LPAR1: variants seen among roughly 807,000 people sequenced by gnomAD.
LPAR1 encodes the protein LPA receptor 1.
Under a neutral mutation model 23.8 loss-of-function variants are expected in LPAR1, and 5 were observed. That is an observed-to-expected ratio of 0.21 (90% CI 0.11 to 0.44). The LOEUF (loss-of-function observed/expected upper bound fraction) is 0.44. Among genes scored for constraint, LPAR1 ranks in the 20% least tolerant of loss-of-function variants. The pLI is 0.99. For missense variants in LPAR1, 311 were observed against 482.8 expected (o/e 0.64, Z 3.33); for synonymous variants, 160 against 164.7 (o/e 0.97, Z 0.22).
At chr9:110,981,192 A>T (rs756691887) in intron 2 of LPAR1, among the ~76,000 whole-genome samples, 5 of 152,112 alleles carry the variant, frequency 3.3e-5, no homozygotes, top group Non-Finnish European at 5.9e-5. Flanking sequence ...TGGTTGGTTG[A>T]GTCAGAATTC....
At chr9:110,912,182 CTTCT>C (rs745492162) in intron 5 of LPAR1, among the ~76,000 whole-genome samples, 5 of 152,198 alleles carry the variant, frequency 3.3e-5, no homozygotes, top group Non-Finnish European at 5.9e-5. Flanking sequence ...AGAAAAACAA[CTTCT>C]TTCTAAGCAC....
At chr9:110,931,711 A>T (rs2094430590) in intron 5 of LPAR1, among the ~76,000 whole-genome samples, 1 of 152,222 alleles carries the variant, frequency 6.6e-6, no homozygotes, top group African/African-American at 2.4e-5. Context: ...AGGTGTAAGG[A>T]AGGGATCCAG....
intron 5 of LPAR1, among the ~76,000 whole-genome samples, chr9:110,880,295 T>C (rs911287351): frequency 6.6e-6 from 1 of 152,118 alleles, no homozygotes; most frequent in Admixed American, 6.5e-5. Context: ...CAGGGAGGAA[T>C]GAGGCTGTTT....
intron 5 of LPAR1, among the ~76,000 whole-genome samples, chr9:110,906,901 T>TAC (rs1191805210): frequency 0.037 from 5,679 of 152,198 alleles, 173 homozygotes; most frequent in Non-Finnish European, 0.047. Flanking sequence ...GAAGGAAGTT[T>TAC]CTAAAAATTA....
chr9:110,892,145 C>T (rs2084395639), intron 5 of LPAR1, among the ~76,000 whole-genome samples: 1 of 152,154 alleles, frequency 6.6e-6, no homozygotes, highest in Non-Finnish European at 1.5e-5. Context: ...AAAGTCCATC[C>T]ACAAATCAAC....
rs1054868736 is a variant in LPAR1, at chr9:110,997,944, T to C, written c.-181-24386A>G. On this transcript the variant is annotated intron_variant, in intron 2 of 5. Coordinates refer to ENST00000683809, the MANE Select transcript of LPAR1 (RefSeq NM_001351411.2). ...TAGGTTGAAAGCTAGGTGTGTTAAC[T>C]ACTGCATTACACCAGTGGTTCTCAA... Among the ~76,000 whole-genome samples, 6 of 152,350 alleles carry C rather than the reference T, an allele frequency of 3.9e-5. No individual in the cohort carries two copies. The South Asian group carries it at 1.0e-3, about 26-fold the overall frequency.
intron 5 of LPAR1, among the ~76,000 whole-genome samples, chr9:110,912,222 C>T (rs970611309): frequency 2.6e-5 from 4 of 152,300 alleles, no homozygotes; most frequent in Admixed American, 2.0e-4. Flanking sequence ...ACCCATGTGG[C>T]CAGATCTCTT....
chr9:110,982,464 T>G (rs1038828984), intron 2 of LPAR1, among the ~76,000 whole-genome samples: 1 of 151,710 alleles, frequency 6.6e-6, no homozygotes, highest in Non-Finnish European at 1.5e-5. Flanking sequence ...CATCACACAC[T>G]GGGGCCTGTC....
intron 5 of LPAR1, among the ~76,000 whole-genome samples, chr9:110,889,492 A>G (rs575914622): frequency 1.2e-4 from 18 of 152,366 alleles, no homozygotes; most frequent in Non-Finnish European, 2.5e-4. Context: ...ACTTATGCTT[A>G]TATATGTAGA....
intron 2 of LPAR1, among the ~76,000 whole-genome samples, chr9:111,022,406 A>G (rs2097576210): frequency 6.6e-6 from 1 of 152,138 alleles, no homozygotes; most frequent in African/African-American, 2.4e-5. Flanking sequence ...TCTCCAACTT[A>G]CTTTATGGAC....
At chr9:111,013,136 T>C (rs1018702120) in intron 2 of LPAR1, among the ~76,000 whole-genome samples, 5 of 152,132 alleles carry the variant, frequency 3.3e-5, no homozygotes, top group Non-Finnish European at 7.4e-5. Flanking sequence ...TATTTCCTCA[T>C]AGAACAAGAA....
At chr9:110,968,703 C>G (rs531479242) in intron 4 of LPAR1, among the ~76,000 whole-genome samples, 6 of 152,282 alleles carry the variant, frequency 3.9e-5, no homozygotes, top group African/African-American at 7.2e-5. Flanking sequence ...TCTGTAAACT[C>G]TGGCAGGGCA....
chr9:111,029,368 G>A (rs2097757250), intron 2 of LPAR1, among the ~76,000 whole-genome samples: 1 of 151,944 alleles, frequency 6.6e-6, no homozygotes, highest in East Asian at 1.9e-4. Context: ...GTCTGGTAAT[G>A]GCATCAACAT....
At chr9:110,892,658 A>G (rs1487141575) in intron 5 of LPAR1, among the ~76,000 whole-genome samples, 1 of 148,312 alleles carries the variant, frequency 6.7e-6, no homozygotes, top group African/African-American at 2.5e-5. Context: ...AGTGAGAAAG[A>G]AAGAAAGAAA....
At chr9:110,935,091 T>G (rs2094610666) in intron 5 of LPAR1, among the ~76,000 whole-genome samples, 1 of 152,152 alleles carries the variant, frequency 6.6e-6, no homozygotes, top group African/African-American at 2.4e-5. Context: ...AAACTCTTCC[T>G]TTGAGAACCA....
At position 110,884,471 on chromosome 9, in the gene LPAR1, G is replaced by C. The variant is rs533597474; in HGVS notation, c.794-8749C>G. Among the ~76,000 whole-genome samples the C allele has an allele frequency of 3.3e-5, 5 of 152,250 alleles. No individual in the cohort carries two copies. The South Asian group carries it at 1.0e-3, about 32-fold the overall frequency. On this transcript the variant is annotated intron_variant, in intron 5 of 5. Transcript: ENST00000683809. ...CATCAGACTATTTTTACTCCACTGT[G>C]TCTATTATTACCTAACAAAATTTTT...
At chr9:111,022,369 T>A (rs971265154) in intron 2 of LPAR1, among the ~76,000 whole-genome samples, 1 of 152,180 alleles carries the variant, frequency 6.6e-6, no homozygotes, top group Admixed American at 6.5e-5. Flanking sequence ...AACTGGCAAT[T>A]GAATCATGGT....
At chr9:111,021,907 T>C (rs918064934) in intron 2 of LPAR1, among the ~76,000 whole-genome samples, 1 of 126,818 alleles carries the variant, frequency 7.9e-6, no homozygotes, top group Non-Finnish European at 1.5e-5. Context: ...GAGGTTGCAG[T>C]GAGCAGAGAT....
At position 110,880,911 on chromosome 9, in the gene LPAR1, C is replaced by T. The variant is rs544381867; in HGVS notation, c.794-5189G>A. 7.9e-5 allele frequency among the ~76,000 whole-genome samples: 12 copies of T among 152,254 alleles called. No homozygotes were observed. The East Asian group carries it at 2.3e-3, about 29-fold the overall frequency. On this transcript the variant is annotated intron_variant, in intron 5 of 5. Transcript: ENST00000683809. ...AGGTACACACATACTACATAGTTAG[C>T]TAGGAAATCCTTCAATGCTATGTAT...
Sources: allele counts gnomAD v4.1 joint callset (sites outside exome capture counted in the v4.1 genomes callset), GRCh38; gene constraint gnomAD v4.1.1; transcripts MANE v1.5; gene names NCBI Gene and HGNC (gene_info 2026-07-23, HGNC 2026-07-21).